The following MINAR2 variants were observed in gnomAD, a reference collection of about 807,000 sequenced individuals.
MINAR2 encodes the protein major intrinsically disordered NOTCH2-binding receptor 1-like.
Under a neutral mutation model 16.1 loss-of-function variants are expected in MINAR2, and 21 were observed. That is an observed-to-expected ratio of 1.31 (90% CI 0.93 to 1.88). The LOEUF is 1.88. MINAR2 is among the 40% of genes most tolerant of loss of function. The pLI is 0.00. For synonymous variants in MINAR2, 86 were observed against 83.0 expected (o/e 1.04, Z -0.20); for missense variants, 259 against 229.8 (o/e 1.13, Z -0.82).
At position 129,760,443 on chromosome 5, in the gene MINAR2, T is replaced by C. The variant is rs1338593609; in HGVS notation, c.231T>C (p.Ala77=). The C allele has an allele frequency of 2.0e-6, 3 of 1,535,822 alleles. No homozygotes were observed. Among genetic ancestry groups the C allele is most frequent in the Non-Finnish European group, 2.6e-6 (3 of 1,146,590 alleles). Reference sequence around the variant, plus strand: ...CCAGTGCAGACAGCCTTGTCACTGCTGATAGCCCCCCACCATCCATGTCAT... The same window carrying C: ...CCAGTGCAGACAGCCTTGTCACTGCCGATAGCCCCCCACCATCCATGTCAT... ...RGSSADSLVT[A]DSPPPSMSSV... Residue 77 remains alanine (A), a synonymous_variant, in exon 2 of 3, where the codon GCT becomes GCC. Coordinates refer to ENST00000564719, the MANE Select transcript of MINAR2 (RefSeq NM_001257308.2).
chr5:129,760,728 G>A, intron 2 of MINAR2, 123 bp downstream of exon 2: 1 of 737,766 alleles, frequency 1.4e-6, no homozygotes, highest in Middle Eastern at 2.5e-4. Context: ...AGATTTCAGA[G>A]CATTTTGGCT....
chr5:129,762,935 G>T (rs1165809208), intron 2 of MINAR2, among the ~76,000 whole-genome samples: 1 of 152,102 alleles, frequency 6.6e-6, no homozygotes, highest in Non-Finnish European at 1.5e-5. Context: ...AGCAAAGGCA[G>T]AAATATAGGA....
chr5:129,760,182 TCA>T (rs1488700654), intron 1 of MINAR2, among the ~76,000 whole-genome samples, 194 bp from the exon 2 acceptor site: 4 of 152,150 alleles, frequency 2.6e-5, no homozygotes, highest in African/African-American at 9.6e-5. Flanking sequence ...CTGTTCAAGA[TCA>T]CACACAAAGA....
chr5:129,752,896 T>G (rs2149545021), intron 1 of MINAR2, among the ~76,000 whole-genome samples: 1 of 152,226 alleles, frequency 6.6e-6, no homozygotes, highest in African/African-American at 2.4e-5. Flanking sequence ...TCACATCAGT[T>G]TCAGAATCAA....
chr5:129,759,056 G>A (rs1017810782), intron 1 of MINAR2, among the ~76,000 whole-genome samples: 15 of 151,886 alleles, frequency 9.9e-5, no homozygotes, highest in Admixed American at 7.9e-4. Flanking sequence ...TTATCTAGAT[G>A]ATTTTTTTTC....
At position 129,748,243 on chromosome 5, in the gene MINAR2, T is replaced by C; in HGVS notation, c.53T>C (p.Leu18Pro). The C allele has an allele frequency of 6.5e-7, 1 of 1,535,248 alleles. No homozygotes were observed. Among genetic ancestry groups the C allele is most frequent in the Non-Finnish European group, 8.7e-7 (1 of 1,146,570 alleles). ...NNNHPDKFLQ[L>P]DVKSLTRSSA... Reference sequence around the variant, plus strand: ...AACCATCCTGACAAATTCCTGCAGCTTGACGTAAAGTCTTTAACGAGGAGC... The same window carrying C: ...AACCATCCTGACAAATTCCTGCAGCCTGACGTAAAGTCTTTAACGAGGAGC... The change falls in exon 1 of 3, where the codon CTT becomes CCT. Residue 18 changes from leucine (L) to proline (P), a missense_variant. Coordinates refer to ENST00000564719, the MANE Select transcript of MINAR2 (RefSeq NM_001257308.2).
At chr5:129,752,498 C>T (rs1209626370) in intron 1 of MINAR2, among the ~76,000 whole-genome samples, 2 of 152,164 alleles carry the variant, frequency 1.3e-5, no homozygotes, top group African/African-American at 4.8e-5. Context: ...GGCATGTTCT[C>T]ACTCATAATA....
rs1167615743 is a variant in MINAR2 at position 129,756,825 on chromosome 5, C to A, written c.166-3553C>A. On this transcript the variant is annotated intron_variant, in intron 1 of 2. Transcript: ENST00000564719. ...TTCTAGAAACATTCTTTATATCTAGCAAAGCTTTTGACCGTGTCTATTTTG... is the reference window on the plus strand; with the variant it reads ...TTCTAGAAACATTCTTTATATCTAGAAAAGCTTTTGACCGTGTCTATTTTG... Among the ~76,000 whole-genome samples the A allele has an allele frequency of 2.0e-5, 3 of 149,922 alleles. No homozygotes were observed. In the East Asian group the frequency reaches 5.9e-4, roughly 29 times the overall value.
At chr5:129,760,023 A>C (rs1367741167) in intron 1 of MINAR2, among the ~76,000 whole-genome samples, 3 of 152,316 alleles carry the variant, frequency 2.0e-5, no homozygotes, top group Admixed American at 2.0e-4. Flanking sequence ...GGAATATAAA[A>C]ATAGAGATAA....
At position 129,753,540 on chromosome 5, in the gene MINAR2, T is replaced by C. The variant is rs556222929; in HGVS notation, c.165+5185T>C. 4.8e-5 allele frequency among the ~76,000 whole-genome samples: 7 copies of C among 144,758 alleles called. No individual in the cohort carries two copies. In the South Asian group the frequency reaches 1.1e-3, roughly 23 times the overall value. 95.0% of individuals were successfully genotyped at this position (144,758 alleles called of 152,430 possible). A position where few individuals can be genotyped will look rare whatever the true frequency, so the allele number is the denominator to read the frequency against. ...AGGCCGAGGCGGGTGGATCAGCAGG[T>C]CAGGAGTTCGAGACCAGCCTGACCA... On this transcript the variant is annotated intron_variant, in intron 1 of 2. Transcript: ENST00000564719.
intron 1 of MINAR2, among the ~76,000 whole-genome samples, chr5:129,759,569 A>G (rs1438921790): frequency 6.6e-6 from 1 of 152,146 alleles, no homozygotes. Flanking sequence ...TTTATAGAAA[A>G]TATGAGATGA....
chr5:129,755,382 G>C (rs550605452), intron 1 of MINAR2, among the ~76,000 whole-genome samples: 11 of 151,908 alleles, frequency 7.2e-5, no homozygotes, highest in Non-Finnish European at 1.3e-4. Context: ...CTATTTTCTG[G>C]AAGAATTTGA....
intron 2 of MINAR2, 25 bp downstream of exon 2, chr5:129,760,630 C>T (rs923558518): frequency 6.8e-7 from 1 of 1,475,610 alleles, no homozygotes. Context: ...GAGTCAACCT[C>T]TTCAACTGAT....
At chr5:129,764,822 A>G in intron 2 of MINAR2, 62 bp from the exon 3 acceptor site, 1 of 940,890 alleles carries the variant, frequency 1.1e-6, no homozygotes, top group Non-Finnish European at 1.4e-6. Context: ...CTGCAATCTC[A>G]ATTAATTTGT....
chr5:129,755,362 G>T (rs201011451), intron 1 of MINAR2, among the ~76,000 whole-genome samples: 1 of 152,060 alleles, frequency 6.6e-6, no homozygotes, highest in African/African-American at 2.4e-5. Context: ...GCTGGGGATT[G>T]TTCCTTTTCC....
At chr5:129,762,484 G>A (rs1480028288) in intron 2 of MINAR2, 11 of 265,004 alleles carry the variant, frequency 4.2e-5, no homozygotes, top group Non-Finnish European at 4.8e-5. Flanking sequence ...ATTATCTCCT[G>A]TTAAATGTTG....
chr5:129,760,011 A>T (rs1001719503), intron 1 of MINAR2, among the ~76,000 whole-genome samples: 9 of 152,194 alleles, frequency 5.9e-5, no homozygotes, highest in Non-Finnish European at 1.3e-4. Flanking sequence ...TTAATAAGTC[A>T]TGGAATATAA....
At chr5:129,752,715 T>G (rs961864189) in intron 1 of MINAR2, among the ~76,000 whole-genome samples, 2 of 151,816 alleles carry the variant, frequency 1.3e-5, no homozygotes, top group African/African-American at 4.8e-5. Context: ...GTTCTGTACA[T>G]GTATCCCAGA....
At chr5:129,759,655 G>A (rs1221923949) in intron 1 of MINAR2, among the ~76,000 whole-genome samples, 1 of 152,056 alleles carries the variant, frequency 6.6e-6, no homozygotes, top group Non-Finnish European at 1.5e-5. Flanking sequence ...GAGGGTGACT[G>A]GAAAGGAGCA....
Sources: gnomAD v4.1 joint callset for allele counts (sites outside exome capture counted in the v4.1 genomes callset) on GRCh38, gnomAD v4.1.1 for gene constraint, MANE v1.5 for transcripts, NCBI Gene and HGNC (gene_info 2026-07-23, HGNC 2026-07-21) for gene names.